NAALADL2: variants seen among roughly 807,000 people sequenced by gnomAD.
The protein encoded by NAALADL2 is inactive N-acetylated-alpha-linked acidic dipeptidase-like protein 2.
In NAALADL2, 76 loss-of-function variants were observed where a neutral mutation model predicts 87.2. The observed-to-expected ratio is 0.87, with a 90% confidence interval of 0.72 to 1.05. The LOEUF (loss-of-function observed/expected upper bound fraction) is 1.05, where lower values mean the gene tolerates loss of function less well. Ranked by LOEUF, NAALADL2 falls within the 50% of genes least tolerant of loss-of-function variation. NAALADL2 has a pLI of 0.00. For missense variants in NAALADL2, 1,089 were observed against 945.8 expected, an observed-to-expected ratio of 1.15 and a Z score of -1.99; for synonymous variants, 354 against 331.0, an observed-to-expected ratio of 1.07 and a Z score of -0.75.
intron 2 of NAALADL2, among the ~76,000 whole-genome samples, chr3:174,587,392 T>C (rs1472797541): frequency 5.3e-5 from 8 of 152,164 alleles, no homozygotes; most frequent in Non-Finnish European, 7.3e-5. Context: ...GTTAATATTG[T>C]TATGTGTGAA....
At chr3:175,668,002 C>G (rs368988827) in intron 11 of NAALADL2, among the ~76,000 whole-genome samples, 1 of 152,108 alleles carries the variant, frequency 6.6e-6, no homozygotes, top group Non-Finnish European at 1.5e-5. Context: ...GTGCGCCCAT[C>G]ATCACACAGC....
chr3:175,182,117 T>C (rs1308431329), intron 2 of NAALADL2, among the ~76,000 whole-genome samples: 1 of 152,058 alleles, frequency 6.6e-6, no homozygotes, highest in Non-Finnish European at 1.5e-5. Flanking sequence ...TATCTCATTG[T>C]AGTTTTAATT....
chr3:175,103,119 A>AAAG (rs1722517241), intron 2 of NAALADL2, among the ~76,000 whole-genome samples: 3 of 152,122 alleles, frequency 2.0e-5, no homozygotes, highest in Middle Eastern at 3.4e-3. Flanking sequence ...AAAAAAAAAA[A>AAAG]AAGTTTTAAA....
chr3:174,772,575 G>C (rs1460127202), intron 3 of NAALADL2, among the ~76,000 whole-genome samples: 1 of 152,108 alleles, frequency 6.6e-6, no homozygotes, highest in Non-Finnish European at 1.5e-5. Context: ...GCCCCATTCT[G>C]AGAAACCAGA....
intron 11 of NAALADL2, among the ~76,000 whole-genome samples, chr3:175,715,903 G>T (rs982006806): frequency 6.6e-6 from 1 of 151,602 alleles, no homozygotes; most frequent in Non-Finnish European, 1.5e-5. Context: ...AATAAAAAAA[G>T]ATGGACCCTT....
intron 6 of NAALADL2, among the ~76,000 whole-genome samples, chr3:175,449,583 C>T (rs768766187): frequency 2.6e-5 from 4 of 151,764 alleles, no homozygotes; most frequent in African/African-American, 4.8e-5. Context: ...TCAGTAGAGA[C>T]GGGGTCTCAC....
At chr3:174,718,362 A>AAT (rs1395430336) in intron 2 of NAALADL2, among the ~76,000 whole-genome samples, 1 of 152,168 alleles carries the variant, frequency 6.6e-6, no homozygotes, top group Non-Finnish European at 1.5e-5. Flanking sequence ...CAAAAGCTAA[A>AAT]ATAGGAGGTT....
intron 1 of NAALADL2, among the ~76,000 whole-genome samples, chr3:175,009,927 T>C (rs755361179): frequency 5.2e-4 from 79 of 151,964 alleles, no homozygotes; most frequent in Non-Finnish European, 9.1e-4. Flanking sequence ...ATGAAACAAA[T>C]AAATGTTAAC....
chr3:175,739,597 G>A (rs1363238915), intron 12 of NAALADL2, among the ~76,000 whole-genome samples: 1 of 152,082 alleles, frequency 6.6e-6, no homozygotes, highest in Non-Finnish European at 1.5e-5. Flanking sequence ...AAAAATTTTT[G>A]CATGTAATCC....
intron 9 of NAALADL2, among the ~76,000 whole-genome samples, chr3:175,502,509 C>G (rs1327432336): frequency 6.6e-6 from 1 of 152,104 alleles, no homozygotes; most frequent in Non-Finnish European, 1.5e-5. Context: ...GCTCTTCTTG[C>G]TTGAGCCTGA....
intron 2 of NAALADL2, among the ~76,000 whole-genome samples, chr3:175,122,588 C>A (rs987668266): frequency 6.6e-6 from 1 of 151,682 alleles, no homozygotes; most frequent in African/African-American, 2.4e-5. Flanking sequence ...AATTTATCAT[C>A]TAGTATTAAA....
chr3:175,116,239 G>C (rs1423246185), intron 2 of NAALADL2, among the ~76,000 whole-genome samples: 1 of 151,800 alleles, frequency 6.6e-6, no homozygotes, highest in Non-Finnish European at 1.5e-5. Flanking sequence ...CCAGGGCAAT[G>C]AGGCAAGAGA....
At chr3:174,607,073 A>T (rs1346130658) in intron 2 of NAALADL2, among the ~76,000 whole-genome samples, 2 of 152,208 alleles carry the variant, frequency 1.3e-5, no homozygotes, top group African/African-American at 2.4e-5. Flanking sequence ...ACTAAGCTTC[A>T]TAAGTGAAGG....
intron 2 of NAALADL2, among the ~76,000 whole-genome samples, chr3:175,115,419 TAA>T (rs1391043124): frequency 1.1e-5 from 1 of 92,980 alleles, no homozygotes; most frequent in Non-Finnish European, 2.1e-5. Context: ...TATATAAACT[TAA>T]TTTCTTTTAA....
intron 2 of NAALADL2, among the ~76,000 whole-genome samples, chr3:174,619,671 T>C (rs1287988506): frequency 2.0e-5 from 3 of 151,994 alleles, no homozygotes; most frequent in Admixed American, 6.6e-5. Flanking sequence ...AAATAACCTG[T>C]TGTTTGAATG....
At chr3:175,677,428 A>G (rs1734951244) in intron 11 of NAALADL2, among the ~76,000 whole-genome samples, 1 of 151,710 alleles carries the variant, frequency 6.6e-6, no homozygotes, top group African/African-American at 2.4e-5. Context: ...TTATTATTAA[A>G]TTAAAATTTT....
At chr3:174,926,316 G>T (rs1392679173) in intron 1 of NAALADL2, among the ~76,000 whole-genome samples, 1 of 152,160 alleles carries the variant, frequency 6.6e-6, no homozygotes, top group South Asian at 2.1e-4. Context: ...CCCCAATCTA[G>T]CAAGGCAGGC....
intron 2 of NAALADL2, among the ~76,000 whole-genome samples, chr3:174,715,632 A>C (rs548931445): frequency 2.0e-5 from 3 of 152,318 alleles, no homozygotes; most frequent in Admixed American, 1.3e-4. Context: ...AGTTTCAAGA[A>C]ATGCTGTTTA....
At chr3:174,745,603 C>G (rs992394925) in intron 3 of NAALADL2, among the ~76,000 whole-genome samples, 2 of 152,096 alleles carry the variant, frequency 1.3e-5, no homozygotes, top group African/African-American at 4.8e-5. Context: ...GCAGCAGCAT[C>G]CTGACATCAA....
Sources: gnomAD v4.1 joint callset for allele counts (sites outside exome capture counted in the v4.1 genomes callset) on GRCh38, gnomAD v4.1.1 for gene constraint, MANE v1.5 for transcripts, NCBI Gene and HGNC (gene_info 2026-07-23, HGNC 2026-07-21) for gene names.